Variants in UGT1A5 observed in about 807,000 individuals in gnomAD.
UGT1A5 encodes UDP glucuronosyltransferase family 1 member A5.
A neutral mutation model predicts 40.3 loss-of-function variants in UGT1A5; 29 were observed. The observed-to-expected ratio is 0.72, with a 90% confidence interval of 0.54 to 0.98. The LOEUF (loss-of-function observed/expected upper bound fraction) is 0.98, where lower values mean the gene tolerates loss of function less well. UGT1A5 is among the 50% of genes least tolerant of loss of function. The pLI is 0.00. For synonymous variants in UGT1A5, 257 were observed against 262.5 expected (o/e 0.98, Z 0.20); for missense variants, 678 against 677.9 (o/e 1.00, Z 0.00).
At chr2:233,747,665 A>G in intron 1 of UGT1A5, 5 of 1,601,138 alleles carry the variant, frequency 3.1e-6, no homozygotes, top group Non-Finnish European at 4.3e-6. Context: ...TGGTTTTAAT[A>G]GACCCAATTT....
rs762367100 is a variant in UGT1A5 at position 233,719,280 on chromosome 2, G to T, written c.867+5422G>T. 2.2e-5 allele frequency: 35 copies of T among 1,613,952 alleles called. No individual in the cohort carries two copies. The highest frequency in any genetic ancestry group is 5.0e-5 in the Admixed American group (3 of 59,980). On this transcript the variant is annotated intron_variant, in intron 1 of 4. Coordinates refer to ENST00000373414, the MANE Select transcript of UGT1A5 (RefSeq NM_019078.2). ...CTTTGATGTGGTTTTAACAGACCCC[G>T]TTAACCTCTGTGGGGCGGTGCTGGC...
At position 233,769,478 on chromosome 2, in the gene UGT1A5, TGC is replaced by T; in HGVS notation, c.1307+1041_1307+1042del. The stretch of plus-strand genomic sequence containing the variant: ...GCATTCATATGCGTGTGTGTGTGTG[TGC>T]GTGTGTTTATGAGAGTGTCCATTGC... On this transcript the variant is annotated intron_variant, in intron 4 of 4. Transcript: ENST00000373414. The surrounding 1 kb of genome is among the most constrained non-coding windows in gnomAD (Gnocchi z 4.4). 2 of 1,611,018 alleles carry T rather than the reference TGC, an allele frequency of 1.2e-6. No individual in the cohort carries two copies. Among genetic ancestry groups the T allele is most frequent in the South Asian group, 1.1e-5 (1 of 90,926 alleles).
chr2:233,753,468 A>G (rs1476776984), intron 1 of UGT1A5: 1 of 152,192 alleles, frequency 6.6e-6, no homozygotes, highest in Non-Finnish European at 1.5e-5. Flanking sequence ...TTCTGTAAAA[A>G]ATTACCAGCA....
At chr2:233,749,352 A>G (rs1249792542) in intron 1 of UGT1A5, among the ~76,000 whole-genome samples, 1 of 151,892 alleles carries the variant, frequency 6.6e-6, no homozygotes, top group Non-Finnish European at 1.5e-5. Context: ...TGGAATTTAA[A>G]TAGTGACTCT....
At chr2:233,748,043 G>C (rs1693846723) in intron 1 of UGT1A5, 13 of 1,613,298 alleles carry the variant, frequency 8.1e-6, no homozygotes, top group Non-Finnish European at 1.1e-5. Flanking sequence ...TCTTCATTGG[G>C]GGCATCAACT....
chr2:233,755,003 C>G (rs10929301), intron 1 of UGT1A5: 604,259 of 1,287,546 alleles, frequency 0.47, 145,841 homozygotes, highest in African/African-American at 0.7. Context: ...AGCTGAAGAC[C>G]TACTCGAAGG....
At chr2:233,752,573 T>C (rs1337077118) in intron 1 of UGT1A5, 4 of 152,170 alleles carry the variant, frequency 2.6e-5, no homozygotes, top group Admixed American at 2.6e-4. Flanking sequence ...TGGGTCAACA[T>C]CATTCCCATC....
chr2:233,747,597 G>A (rs1160963474), intron 1 of UGT1A5: 51 of 1,576,164 alleles, frequency 3.2e-5, no homozygotes, highest in Non-Finnish European at 4.2e-5. Context: ...TAGGTCTTGT[G>A]TGGAGCTACT....
chr2:233,737,458 C>G (rs1404187897), intron 1 of UGT1A5, among the ~76,000 whole-genome samples: 1 of 152,216 alleles, frequency 6.6e-6, no homozygotes, highest in Non-Finnish European at 1.5e-5. Context: ...CAGGTACAGT[C>G]TGTCATGGCT....
chr2:233,724,020 T>A (rs1486209215), intron 1 of UGT1A5, among the ~76,000 whole-genome samples: 1 of 67,562 alleles, frequency 1.5e-5, no homozygotes. Context: ...ATTGTCATCC[T>A]GGCCCGTTCT....
intron 1 of UGT1A5, chr2:233,729,207 G>C (rs6706232): frequency 6.2e-7 from 1 of 1,613,766 alleles, no homozygotes; most frequent in Non-Finnish European, 8.5e-7. Flanking sequence ...CCTGGGCTGA[G>C]AGTGGAAAGG....
chr2:233,724,180 C>A (rs1179896471), intron 1 of UGT1A5, among the ~76,000 whole-genome samples: 6 of 128,866 alleles, frequency 4.7e-5, no homozygotes, highest in Non-Finnish European at 8.1e-5. Context: ...CCATCTCCCT[C>A]CCGGACGGGG....
At chr2:233,757,561 T>TATATATATA (rs71058576) in intron 1 of UGT1A5, among the ~76,000 whole-genome samples, 1 of 121,178 alleles carries the variant, frequency 8.3e-6, no homozygotes, top group Non-Finnish European at 1.7e-5. Context: ...TATATATATA[T>TATATATATA]GTATATATGA....
chr2:233,762,430 C>CCATAAA, intron 1 of UGT1A5, among the ~76,000 whole-genome samples: 1 of 152,296 alleles, frequency 6.6e-6, no homozygotes, highest in African/African-American at 2.4e-5. Context: ...AATAGAGTAA[C>CCATAAA]AGTGTATTCC....
At chr2:233,718,968 G>A (rs1423240253) in intron 1 of UGT1A5, 1 of 1,614,222 alleles carries the variant, frequency 6.2e-7, no homozygotes, top group Non-Finnish European at 8.5e-7. Flanking sequence ...GGCCTTGCGG[G>A]AGCTCCATGC....
intron 1 of UGT1A5, chr2:233,747,201 G>A: frequency 3.7e-6 from 6 of 1,604,878 alleles, no homozygotes; most frequent in Non-Finnish European, 4.3e-6. Flanking sequence ...AGCTGTCCGT[G>A]TCTTCTGCTG....
rs566107268 is a variant in UGT1A5, at chr2:233,719,129, AG to A, written c.867+5272del. 2.1e-4 allele frequency: 332 copies of A among 1,614,276 alleles called. No individual in the cohort carries two copies. The Middle Eastern group carries it at 2.1e-3, about 10-fold the overall frequency. On this transcript the variant is annotated intron_variant, in intron 1 of 4. Coordinates refer to ENST00000373414, the MANE Select transcript of UGT1A5 (RefSeq NM_019078.2). ...GCTACACTCAAGGGTTCTTTGAAAC[AG>A]AACATCTTCTGAAGAGATATTCTAG... is the stretch of plus-strand genomic sequence containing the variant.
In UGT1A5 at chr2:233,713,248, A is replaced by T. The variant is rs1380028747; in HGVS notation, c.257A>T (p.Gln86Leu). ...ACAACGTATGCCATTTCATGGACCC[A>T]GGACGAATTTGATCGCCTTTTGCTG... is the stretch of plus-strand genomic sequence containing the variant. Reference protein sequence around the residue: ...TLTTYAISWTQDEFDRLLLGH... With the variant: ...TLTTYAISWTLDEFDRLLLGH... The change falls in exon 1 of 5, where the codon CAG becomes CTG. Residue 86 changes from glutamine (Q) to leucine (L), a missense_variant. Coordinates refer to ENST00000373414, the MANE Select transcript of UGT1A5 (RefSeq NM_019078.2). 2 of 1,614,260 alleles carry T rather than the reference A, an allele frequency of 1.2e-6. No individual in the cohort carries two copies. Among genetic ancestry groups the T allele is most frequent in the Non-Finnish European group, 1.7e-6 (2 of 1,180,034 alleles).
chr2:233,748,167 T>A, intron 1 of UGT1A5: 1 of 1,593,478 alleles, frequency 6.3e-7, no homozygotes, highest in Non-Finnish European at 8.5e-7. Context: ...CCATATCTAC[T>A]TATCTTTCTG....
Sources: gnomAD v4.1 joint callset for allele counts (sites outside exome capture counted in the v4.1 genomes callset) on GRCh38, gnomAD v4.1.1 for gene constraint, Gnocchi (gnomAD v3.1) non-coding constraint, MANE v1.5 for transcripts, NCBI Gene and HGNC (gene_info 2026-07-23, HGNC 2026-07-21) for gene names.